Variants in PID1 observed in about 807,000 individuals in gnomAD.
PID1 encodes the protein phosphotyrosine interaction domain containing 1, also known as PTB-containing, cubilin and LRP1-interacting protein.
In PID1, 10 loss-of-function variants were observed where a neutral mutation model predicts 19.1. The ratio of observed to expected loss-of-function variants is 0.52; its 90% CI spans 0.32 to 0.89. The LOEUF is 0.89. Ranked by LOEUF, PID1 falls within the 40% of genes least tolerant of loss-of-function variation. PID1 has a pLI of 0.03. For synonymous variants in PID1, 130 were observed against 116.0 expected (o/e 1.12, Z -0.78); for missense variants, 248 against 285.3 (o/e 0.87, Z 0.94).
chr2:229,041,188 TCAGA>T (rs1217269952), intron 2 of PID1, among the ~76,000 whole-genome samples: 3 of 152,142 alleles, frequency 2.0e-5, no homozygotes, highest in African/African-American at 7.2e-5. Context: ...CCATCCCTAC[TCAGA>T]CAGAGCTGTT....
chr2:229,222,191 A>T (rs1426113563), intron 1 of PID1, among the ~76,000 whole-genome samples: 1 of 152,034 alleles, frequency 6.6e-6, no homozygotes, highest in Non-Finnish European at 1.5e-5. Context: ...ATTCAACCTG[A>T]TCTTGGAACA....
intron 2 of PID1, among the ~76,000 whole-genome samples, chr2:229,050,035 C>G (rs1212623240): frequency 1.3e-5 from 2 of 152,060 alleles, no homozygotes; most frequent in Admixed American, 1.3e-4. Context: ...TTAATTATAA[C>G]AGAGGAAAAA....
intron 2 of PID1, among the ~76,000 whole-genome samples, chr2:229,079,630 C>T (rs1303613606): frequency 6.6e-6 from 1 of 152,194 alleles, no homozygotes; most frequent in Non-Finnish European, 1.5e-5. Context: ...AAGTTCTTTT[C>T]TGTCCTGTAA....
intron 2 of PID1, among the ~76,000 whole-genome samples, chr2:229,065,729 A>AAAAAAAAAAAAAAAAAAAAAAAAAAAG (rs765746020): frequency 7.1e-6 from 1 of 140,678 alleles, no homozygotes; most frequent in African/African-American, 2.8e-5. Context: ...AAAAAAAAAA[A>AAAAAAAAAAAAAAAAAAAAAAAAAAAG]AAACAGGTTG....
intron 2 of PID1, among the ~76,000 whole-genome samples, chr2:229,133,519 A>G (rs1416466031): frequency 6.6e-6 from 1 of 152,258 alleles, no homozygotes; most frequent in African/African-American, 2.4e-5. Flanking sequence ...TACACAACCC[A>G]GATGAAAACT....
intron 1 of PID1, chr2:229,232,206 G>C: frequency 8.3e-7 from 1 of 1,210,182 alleles, no homozygotes; most frequent in Non-Finnish European, 1.1e-6. Flanking sequence ...GTCAGATCAT[G>C]AAGTCAGGAG....
intron 1 of PID1, among the ~76,000 whole-genome samples, chr2:229,255,983 C>A (rs1023788991): frequency 6.6e-6 from 1 of 152,214 alleles, no homozygotes; most frequent in Non-Finnish European, 1.5e-5. Context: ...TGGTGCTAAA[C>A]AAGTAAAATC....
At chr2:229,249,577 G>A (rs777403963) in intron 1 of PID1, among the ~76,000 whole-genome samples, 1 of 152,164 alleles carries the variant, frequency 6.6e-6, no homozygotes. Flanking sequence ...CAGCTTCTAG[G>A]CTTTTGGAAG....
chr2:229,137,725 T>C (rs1689885410), intron 2 of PID1, among the ~76,000 whole-genome samples: 4 of 152,228 alleles, frequency 2.6e-5, no homozygotes, highest in Admixed American at 1.3e-4. Flanking sequence ...CAAATGCATC[T>C]GCTTCAATTA....
intron 2 of PID1, among the ~76,000 whole-genome samples, chr2:229,070,945 A>T (rs1000442361): frequency 1.3e-5 from 2 of 152,198 alleles, no homozygotes; most frequent in African/African-American, 4.8e-5. Flanking sequence ...AACCTCCTAA[A>T]ACAATCCAAC....
At chr2:229,163,512 T>A (rs1690530429) in intron 1 of PID1, among the ~76,000 whole-genome samples, 2 of 151,760 alleles carry the variant, frequency 1.3e-5, no homozygotes, top group African/African-American at 4.8e-5. Flanking sequence ...TTTTTTTTTT[T>A]ACCTTCCCAG....
At chr2:229,140,575 C>T (rs190986243) in intron 2 of PID1, among the ~76,000 whole-genome samples, 440 of 144,382 alleles carry the variant, frequency 3.0e-3, no homozygotes, top group Non-Finnish European at 5.4e-3. Context: ...GGGGTGAAAA[C>T]TGATGATCCA....
At chr2:229,261,632 C>T (rs1690462883) in intron 1 of PID1, among the ~76,000 whole-genome samples, 1 of 152,208 alleles carries the variant, frequency 6.6e-6, no homozygotes, top group South Asian at 2.1e-4. Context: ...AATTATGCAG[C>T]TCCTTTCCCC....
chr2:229,043,764 TC>T (rs1199806435), intron 2 of PID1, among the ~76,000 whole-genome samples: 1 of 152,142 alleles, frequency 6.6e-6, no homozygotes, highest in Non-Finnish European at 1.5e-5. Context: ...CAGAACTGCT[TC>T]CTTCTGATTC....
chr2:229,169,393 C>T (rs906639972), intron 1 of PID1, among the ~76,000 whole-genome samples: 2 of 152,096 alleles, frequency 1.3e-5, no homozygotes, highest in Middle Eastern at 3.4e-3. Context: ...CTACATTTTT[C>T]TTTTTTAAGT....
At chr2:229,035,034 C>T (rs1239102177) in intron 2 of PID1, among the ~76,000 whole-genome samples, 1 of 152,092 alleles carries the variant, frequency 6.6e-6, no homozygotes, top group East Asian at 1.9e-4. Context: ...ACTCCTTAAG[C>T]TAACTTCTAT....
chr2:229,186,820 C>T (rs1043180347), intron 1 of PID1, among the ~76,000 whole-genome samples: 1 of 152,190 alleles, frequency 6.6e-6, no homozygotes, highest in Non-Finnish European at 1.5e-5. Context: ...AATGGGACTT[C>T]CTTTTCTATT....
At chr2:229,169,668 T>C (rs1242136993) in intron 1 of PID1, among the ~76,000 whole-genome samples, 1 of 152,174 alleles carries the variant, frequency 6.6e-6, no homozygotes, top group Non-Finnish European at 1.5e-5. Flanking sequence ...TAATTACGTT[T>C]TCATGAATAC....
chr2:229,120,815 G>A (rs1051976944), intron 2 of PID1, among the ~76,000 whole-genome samples: 5 of 151,824 alleles, frequency 3.3e-5, no homozygotes, highest in African/African-American at 1.2e-4. Context: ...TTCCATTCTC[G>A]AGGTGATGAA....
Sources: allele counts gnomAD v4.1 joint callset (sites outside exome capture counted in the v4.1 genomes callset), GRCh38; gene constraint gnomAD v4.1.1; transcripts MANE v1.5; gene names NCBI Gene and HGNC (gene_info 2026-07-23, HGNC 2026-07-21).